CDH12: variants seen among roughly 807,000 people sequenced by gnomAD.
The protein encoded by CDH12 is cadherin-12.
In CDH12, 41 loss-of-function variants were observed where a neutral mutation model predicts 74.1. The observed-to-expected ratio is 0.55, with a 90% CI of 0.43 to 0.72. The LOEUF (loss-of-function observed/expected upper bound fraction) is 0.72, where lower values mean the gene tolerates loss of function less well. Among genes scored for constraint, CDH12 ranks in the 30% least tolerant of loss-of-function variants. The pLI, the probability that CDH12 is intolerant of heterozygous loss-of-function variation, is 0.00. For missense variants in CDH12, 945 were observed against 977.2 expected (o/e 0.97, Z 0.44); for synonymous variants, 399 against 355.0 (o/e 1.12, Z -1.39).
chr5:22,598,156 T>G (rs1349801251), intron 1 of CDH12, among the ~76,000 whole-genome samples: 2 of 152,150 alleles, frequency 1.3e-5, no homozygotes, highest in Non-Finnish European at 2.9e-5. Flanking sequence ...CCATTTCCAT[T>G]TCAACTTTAA....
chr5:21,898,387 C>T (rs1243126714), intron 6 of CDH12, among the ~76,000 whole-genome samples: 1 of 151,968 alleles, frequency 6.6e-6, no homozygotes, highest in East Asian at 1.9e-4. Flanking sequence ...CTGCACTCAA[C>T]CTAAAATTTC....
intron 6 of CDH12, among the ~76,000 whole-genome samples, chr5:21,908,417 T>C (rs1753732659): frequency 6.6e-6 from 1 of 152,222 alleles, no homozygotes; most frequent in South Asian, 2.1e-4. Context: ...TATGTTTCAA[T>C]CTGTGAGTCC....
chr5:22,544,363 T>C (rs538101468), intron 1 of CDH12, among the ~76,000 whole-genome samples: 3 of 152,296 alleles, frequency 2.0e-5, no homozygotes, highest in Non-Finnish European at 4.4e-5. Flanking sequence ...ACTAACTTCA[T>C]AGAGTTAGCA....
chr5:21,775,057 T>G (rs936553826), intron 11 of CDH12, among the ~76,000 whole-genome samples: 3 of 152,180 alleles, frequency 2.0e-5, no homozygotes, highest in African/African-American at 4.8e-5. Flanking sequence ...TTAGGAAATG[T>G]TCCAGGTGTC....
chr5:22,463,279 G>A (rs1049393107), intron 2 of CDH12, among the ~76,000 whole-genome samples: 3 of 151,914 alleles, frequency 2.0e-5, no homozygotes, highest in South Asian at 4.1e-4. Flanking sequence ...TTTTGACAAC[G>A]TACATATGAA....
chr5:22,339,811 G>A (rs1739764722), intron 3 of CDH12, among the ~76,000 whole-genome samples: 1 of 152,050 alleles, frequency 6.6e-6, no homozygotes, highest in Admixed American at 6.6e-5. Context: ...ATAAGCTTTT[G>A]TTTTTCATTT....
Position 22,173,284 on chromosome 5 carries a change from T to A in CDH12, c.-187+39214A>T, listed in dbSNP as rs1749141133. On this transcript the variant is annotated intron_variant, in intron 4 of 14. Transcript: ENST00000382254. ...TAATTTAAATTTTATAATTATATAA[T>A]TTATGTAATTATATAATATAATTTA... is the stretch of plus-strand genomic sequence containing the variant. 2.7e-5 allele frequency among the ~76,000 whole-genome samples: 4 copies of A among 146,814 alleles called. No individual in the cohort carries two copies. The South Asian group carries it at 8.3e-4, about 31-fold the overall frequency.
chr5:21,814,984 C>G (rs1396053441), intron 9 of CDH12, among the ~76,000 whole-genome samples: 5 of 151,908 alleles, frequency 3.3e-5, no homozygotes, highest in Non-Finnish European at 7.4e-5. Flanking sequence ...ATTTTTCTAA[C>G]TGTACTTTGC....
chr5:22,236,294 CTGTT>C (rs199612185), intron 3 of CDH12, among the ~76,000 whole-genome samples: 1,708 of 152,294 alleles, frequency 0.011, 33 homozygotes, highest in African/African-American at 0.04. Context: ...ATTTTTTGAA[CTGTT>C]TGACTCTTTT....
Position 22,622,320 on chromosome 5 carries a change from T to A in CDH12, c.-522-116956A>T, listed in dbSNP as rs149976322. ...TGAAAAATAGGGACATCAGGAAGATTGGCATGTCTTCAGAGAGAAGGCACT... is the reference window on the plus strand; with the variant it reads ...TGAAAAATAGGGACATCAGGAAGATAGGCATGTCTTCAGAGAGAAGGCACT... On this transcript the variant is annotated intron_variant, in intron 1 of 14. Coordinates refer to ENST00000382254, the MANE Select transcript of CDH12 (RefSeq NM_004061.5). Among the ~76,000 whole-genome samples, 10 of 150,760 alleles carry A rather than the reference T, an allele frequency of 6.6e-5. No homozygotes were observed. In the East Asian group the frequency reaches 2.0e-3, roughly 30 times the overall value.
At chr5:22,351,179 C>T (rs1213696520) in intron 3 of CDH12, among the ~76,000 whole-genome samples, 1 of 151,938 alleles carries the variant, frequency 6.6e-6, no homozygotes, top group East Asian at 1.9e-4. Flanking sequence ...CAAGATTATA[C>T]TGAGAGTGGA....
intron 3 of CDH12, among the ~76,000 whole-genome samples, chr5:22,223,743 T>A (rs1371555117): frequency 6.6e-6 from 1 of 151,792 alleles, no homozygotes; most frequent in African/African-American, 2.4e-5. Flanking sequence ...GCATCATTAG[T>A]GTAGGAGAGG....
At chr5:21,877,257 C>T (rs1380754496) in intron 6 of CDH12, among the ~76,000 whole-genome samples, 2 of 151,800 alleles carry the variant, frequency 1.3e-5, no homozygotes, top group African/African-American at 4.8e-5. Context: ...TTCAGGTAAA[C>T]TTCGTTCCAT....
chr5:21,813,395 G>A (rs940301263), intron 9 of CDH12, among the ~76,000 whole-genome samples: 1 of 152,022 alleles, frequency 6.6e-6, no homozygotes, highest in Non-Finnish European at 1.5e-5. Flanking sequence ...CAGGAGAATC[G>A]CTTGAACCTG....
At chr5:22,127,084 G>T (rs928931537) in intron 4 of CDH12, among the ~76,000 whole-genome samples, 1 of 152,178 alleles carries the variant, frequency 6.6e-6, no homozygotes, top group Non-Finnish European at 1.5e-5. Flanking sequence ...CATATTCATA[G>T]CATGCCGCAG....
intron 1 of CDH12, among the ~76,000 whole-genome samples, chr5:22,582,354 T>C (rs928703767): frequency 1.3e-5 from 2 of 152,258 alleles, no homozygotes; most frequent in African/African-American, 4.8e-5. Context: ...AATTCATTTA[T>C]GAATATGTCA....
intron 5 of CDH12, among the ~76,000 whole-genome samples, chr5:21,987,999 A>G (rs1201077061): frequency 6.6e-6 from 1 of 152,106 alleles, no homozygotes; most frequent in Non-Finnish European, 1.5e-5. Flanking sequence ...GAAAAAAAAT[A>G]CACCATACAG....
intron 2 of CDH12, among the ~76,000 whole-genome samples, chr5:22,459,717 G>A (rs570255114): frequency 6.6e-6 from 1 of 152,264 alleles, no homozygotes; most frequent in East Asian, 1.9e-4. Context: ...GCTCACGCTT[G>A]TAATCCCAGC....
chr5:21,800,719 A>G (rs1250392236), intron 10 of CDH12, among the ~76,000 whole-genome samples: 3 of 152,166 alleles, frequency 2.0e-5, no homozygotes, highest in African/African-American at 7.2e-5. Context: ...TAATCCCTAC[A>G]TGTTGAAGGA....
Sources: allele counts gnomAD v4.1 joint callset (sites outside exome capture counted in the v4.1 genomes callset), GRCh38; gene constraint gnomAD v4.1.1; transcripts MANE v1.5; gene names NCBI Gene and HGNC (gene_info 2026-07-23, HGNC 2026-07-21).